Variants in FAM135B observed in about 807,000 individuals in gnomAD.
FAM135B encodes the protein family with sequence similarity 135 member B, also known as protein FAM135B.
In FAM135B, 43 loss-of-function variants were observed where a neutral mutation model predicts 127.7. The observed-to-expected ratio is 0.34, with a 90% CI of 0.26 to 0.43. FAM135B has a LOEUF of 0.43. FAM135B is among the 20% of genes least tolerant of loss of function. The pLI, the probability that FAM135B is intolerant of heterozygous loss-of-function variation, is 1.00. For synonymous variants in FAM135B, 670 were observed against 665.1 expected (o/e 1.01, Z -0.11); for missense variants, 1,558 against 1,725.6 (o/e 0.90, Z 1.72).
intron 12 of FAM135B, among the ~76,000 whole-genome samples, chr8:138,167,329 G>C (rs146853060): frequency 2.6e-5 from 4 of 152,074 alleles, no homozygotes; most frequent in Non-Finnish European, 5.9e-5. Context: ...CCAAGTAGCT[G>C]GGATTACAGG....
intron 1 of FAM135B, among the ~76,000 whole-genome samples, chr8:138,460,236 T>C (rs1837044983): frequency 6.6e-6 from 1 of 152,144 alleles, no homozygotes; most frequent in Non-Finnish European, 1.5e-5. Flanking sequence ...GTAAGGGACA[T>C]AATTTGCTTA....
intron 8 of FAM135B, among the ~76,000 whole-genome samples, chr8:138,197,043 T>C (rs536860239): frequency 2.0e-5 from 3 of 152,208 alleles, no homozygotes; most frequent in African/African-American, 7.2e-5. Flanking sequence ...GAAGTTTCTA[T>C]AATCATCCAG....
chr8:138,301,261 C>T (rs1825865774), intron 3 of FAM135B, among the ~76,000 whole-genome samples: 1 of 152,172 alleles, frequency 6.6e-6, no homozygotes, highest in South Asian at 2.1e-4. Context: ...GAGGATAACT[C>T]AAATGCCAGG....
At chr8:138,486,118 G>A (rs1814974587) in intron 1 of FAM135B, among the ~76,000 whole-genome samples, 2 of 151,990 alleles carry the variant, frequency 1.3e-5, no homozygotes, top group South Asian at 4.1e-4. Flanking sequence ...AGGTACTGGT[G>A]TAGCTGGCAT....
In FAM135B at chr8:138,248,878, A is replaced by C. The variant is rs552950923; in HGVS notation, c.542+1963T>G. Among the ~76,000 whole-genome samples, 21 of 152,134 alleles carry C rather than the reference A, an allele frequency of 1.4e-4. 1 individual carries two copies. In the South Asian group the frequency reaches 4.4e-3, roughly 32 times the overall value. On this transcript the variant is annotated intron_variant, in intron 6 of 19. Transcript: ENST00000395297. ...AAATAAATGAAAGTTCCTTTGACTCATTCATTGACTTATATGTTGAAACAG... is the reference window on the plus strand; with the variant it reads ...AAATAAATGAAAGTTCCTTTGACTCCTTCATTGACTTATATGTTGAAACAG...
At chr8:138,158,615 T>C (rs191918727) in intron 12 of FAM135B, among the ~76,000 whole-genome samples, 1,594 of 151,930 alleles carry the variant, frequency 0.01, 28 homozygotes, top group African/African-American at 0.036. Flanking sequence ...AACAACCCCA[T>C]CAAAAAGTGG....
At chr8:138,188,270 G>A (rs733518) in intron 9 of FAM135B, among the ~76,000 whole-genome samples, 69,166 of 152,042 alleles carry the variant, frequency 0.45, 16,337 homozygotes, top group South Asian at 0.54. Context: ...CTAGAGGAGG[G>A]CATCATAGGA....
intron 19 of FAM135B, among the ~76,000 whole-genome samples, chr8:138,136,870 C>T (rs1409642698): frequency 6.6e-6 from 1 of 152,204 alleles, no homozygotes; most frequent in African/African-American, 2.4e-5. Flanking sequence ...GGGCCTGTCT[C>T]ATTGAATTAT....
At chr8:138,180,485 T>G (rs1814909066) in intron 9 of FAM135B, among the ~76,000 whole-genome samples, 1 of 152,194 alleles carries the variant, frequency 6.6e-6, no homozygotes, top group African/African-American at 2.4e-5. Flanking sequence ...AAAGTGAGTA[T>G]GCAAAACAAA....
At chr8:138,393,720 C>T (rs16909084) in intron 1 of FAM135B, among the ~76,000 whole-genome samples, 9,925 of 152,236 alleles carry the variant, frequency 0.065, 383 homozygotes, top group African/African-American at 0.098. Flanking sequence ...TTAGCACCCC[C>T]ACTGTCCTCT....
intron 2 of FAM135B, among the ~76,000 whole-genome samples, chr8:138,357,182 A>G (rs1830141650): frequency 6.6e-6 from 1 of 152,172 alleles, no homozygotes; most frequent in South Asian, 2.1e-4. Context: ...TAATGAAATT[A>G]TGAAAATTTG....
At chr8:138,445,563 T>A (rs1836093418) in intron 1 of FAM135B, among the ~76,000 whole-genome samples, 1 of 152,336 alleles carries the variant, frequency 6.6e-6, no homozygotes, top group Admixed American at 6.5e-5. Flanking sequence ...CATATGATTA[T>A]CTCAATAGAT....
At chr8:138,149,669 T>C (rs966412991) in intron 13 of FAM135B, among the ~76,000 whole-genome samples, 2 of 152,108 alleles carry the variant, frequency 1.3e-5, no homozygotes, top group African/African-American at 2.4e-5. Context: ...ATCATCATCA[T>C]CACCATCATT....
intron 1 of FAM135B, among the ~76,000 whole-genome samples, chr8:138,389,799 T>A (rs1269691553): frequency 6.6e-6 from 1 of 152,148 alleles, no homozygotes; most frequent in African/African-American, 2.4e-5. Context: ...TTAAAATGGA[T>A]CCAATTGTGT....
chr8:138,481,098 G>C (rs1814760629), intron 1 of FAM135B, among the ~76,000 whole-genome samples: 1 of 152,230 alleles, frequency 6.6e-6, no homozygotes, highest in South Asian at 2.1e-4. Context: ...TGAGGAGATA[G>C]AGACCATGCC....
At chr8:138,332,642 G>A (rs557205763) in intron 2 of FAM135B, among the ~76,000 whole-genome samples, 150 of 152,056 alleles carry the variant, frequency 9.9e-4, no homozygotes, top group African/African-American at 3.4e-3. Flanking sequence ...GGAGAAACCC[G>A]GTGAAAAGCA....
chr8:138,338,432 A>G (rs1828781303), intron 2 of FAM135B, among the ~76,000 whole-genome samples: 1 of 152,134 alleles, frequency 6.6e-6, no homozygotes, highest in South Asian at 2.1e-4. Flanking sequence ...AAACAACCCC[A>G]TCAAAAAGTG....
At chr8:138,267,209 C>G (rs1409708129) in intron 3 of FAM135B, among the ~76,000 whole-genome samples, 1 of 152,164 alleles carries the variant, frequency 6.6e-6, no homozygotes, top group Non-Finnish European at 1.5e-5. Flanking sequence ...CTGTTCCCCT[C>G]ACCTTTCCCA....
intron 1 of FAM135B, among the ~76,000 whole-genome samples, chr8:138,406,536 C>A (rs1431790438): frequency 1.3e-5 from 2 of 151,886 alleles, no homozygotes; most frequent in Non-Finnish European, 2.9e-5. Context: ...CAGAATCCAG[C>A]AGCACATCAA....
Sources: gnomAD v4.1 joint callset for allele counts (sites outside exome capture counted in the v4.1 genomes callset) on GRCh38, gnomAD v4.1.1 for gene constraint, MANE v1.5 for transcripts, NCBI Gene and HGNC (gene_info 2026-07-23, HGNC 2026-07-21) for gene names.